Variants in TEAD3 observed in about 807,000 individuals in gnomAD.
TEAD3 encodes the protein TEA domain transcription factor 3.
In TEAD3, 15 loss-of-function variants were observed where a neutral mutation model predicts 55.6. The observed-to-expected ratio is 0.27, with a 90% CI of 0.18 to 0.42. TEAD3 has a LOEUF of 0.42. Ranked by LOEUF, TEAD3 falls within the 10% of genes least tolerant of loss-of-function variation. The pLI is 1.00. For synonymous variants in TEAD3, 210 were observed against 232.2 expected, an observed-to-expected ratio of 0.90 and a Z score of 0.87; for missense variants, 407 against 576.8, an observed-to-expected ratio of 0.71 and a Z score of 3.01.
rs1431218890 is a variant in TEAD3 at position 35,491,075 on chromosome 6, TG to T, written c.-49-4365del. Among the ~76,000 whole-genome samples the T allele has an allele frequency of 6.6e-6, 1 of 150,900 alleles. No individual in the cohort carries two copies. The highest frequency in any genetic ancestry group is 1.5e-5 in the Non-Finnish European group (1 of 67,702). Reference sequence around the variant, plus strand: ...GGGAGAGTCTGGGGCAAAGAGAAGCTGAGGTGAACCCAGAGAGAAAACAGAC... The same window carrying T: ...GGGAGAGTCTGGGGCAAAGAGAAGCTAGGTGAACCCAGAGAGAAAACAGAC... On this transcript the variant is annotated intron_variant, in intron 1 of 12. Transcript: ENST00000639578. This position sits in a 1 kb window ranked among gnomAD's most constrained non-coding sequence, Gnocchi z 4.4.
In TEAD3 at chr6:35,475,878, G is replaced by A; in HGVS notation, c.900+41C>T. 1 of 1,508,140 alleles carries A rather than the reference G, an allele frequency of 6.6e-7. No homozygotes were observed. Among genetic ancestry groups the A allele is most frequent in the South Asian group, 1.3e-5 (1 of 75,526 alleles). The allele number at this position is 1,508,140 out of a possible 1,614,324, so 93.4% of individuals were successfully genotyped here. ...GGCCTGGATGTTGCACCTCTGGGGT[G>A]GGGAAGGGGGCTTGGAGCAGAGAAG... On this transcript the variant is annotated intron_variant, in intron 10 of 12. Transcript: ENST00000639578. This position sits in a 1 kb window ranked among gnomAD's most constrained non-coding sequence, Gnocchi z 5.4.
chr6:35,492,437 G>C, intron 1 of TEAD3, among the ~76,000 whole-genome samples: 1 of 152,036 alleles, frequency 6.6e-6, no homozygotes, highest in Non-Finnish European at 1.5e-5. Context: ...GGATGTATCT[G>C]TCTCCCCCAC....
intron 4 of TEAD3, chr6:35,479,956 C>G: frequency 9.6e-7 from 1 of 1,041,456 alleles, no homozygotes; most frequent in Non-Finnish European, 1.3e-6. Context: ...CCCCTCACAG[C>G]TTCTCAGCCC....
Position 35,475,384 on chromosome 6 carries a change from G to A in TEAD3, c.1146C>T (p.Pro382=), listed in dbSNP as rs533332695. The A allele has an allele frequency of 4.6e-4, 745 of 1,614,054 alleles. 4 individuals carry two copies. The South Asian group carries it at 7.6e-3, about 16-fold the overall frequency. Residue 382 remains proline (P), a synonymous_variant, in exon 12 of 13, where the codon CCC becomes CCT. Coordinates refer to ENST00000639578, the Ensembl canonical transcript of TEAD3. The surrounding 1 kb of genome is among the most constrained non-coding windows in gnomAD (Gnocchi z 5.4). ...GCACGCTGTTCATCATGTACTTCTC[G>A]GGCAGGTGCTTCAGCTTGTGGATGA...
intron 1 of TEAD3, among the ~76,000 whole-genome samples, chr6:35,493,431 C>T (rs1358253432): frequency 1.3e-5 from 2 of 152,140 alleles, no homozygotes; most frequent in Non-Finnish European, 2.9e-5. Context: ...GTCCCAAACA[C>T]GCTCAGATAG....
intron 3 of TEAD3, among the ~76,000 whole-genome samples, chr6:35,480,824 G>A (rs1413596693): frequency 6.6e-6 from 1 of 152,142 alleles, no homozygotes; most frequent in African/African-American, 2.4e-5. Context: ...GCCTAACCCT[G>A]TCCTCCCCGC....
At chr6:35,477,249 C>T in intron 8 of TEAD3, 62 bp downstream of exon 8, 1 of 1,573,298 alleles carries the variant, frequency 6.4e-7, no homozygotes, top group Non-Finnish European at 8.7e-7. Context: ...CACAGTTGGA[C>T]CCCAGCTCTC....
Position 35,476,301 on chromosome 6 carries a change from C to T in TEAD3, c.726+1G>A. On this transcript the variant is annotated splice_donor_variant, in intron 9 of 12. Transcript: ENST00000639578. LOFTEE classifies it high-confidence loss of function. ...CTCACCCTCACCCCCAAACACGTTACCGTGTCAGGGTCTCGCTGCACCTCC... is the reference window on the plus strand; with the variant it reads ...CTCACCCTCACCCCCAAACACGTTATCGTGTCAGGGTCTCGCTGCACCTCC... 6.2e-7 allele frequency: 1 copy of T among 1,611,858 alleles called. No homozygotes were observed. The highest frequency in any genetic ancestry group is 8.5e-7 in the Non-Finnish European group (1 of 1,179,662).
In TEAD3 at chr6:35,496,244, C is replaced by T. The variant is rs1768647987; in HGVS notation, c.-50+654G>A. On this transcript the variant is annotated intron_variant, in intron 1 of 12. Coordinates refer to ENST00000639578, the Ensembl canonical transcript of TEAD3. The surrounding 1 kb of genome is among the most constrained non-coding windows in gnomAD (Gnocchi z 4.8). ...AATCCAGACCCCTCCGAGCCAAGCTCACAGCGCTCAGGGCTGGAACTCTGA... is the reference window on the plus strand; with the variant it reads ...AATCCAGACCCCTCCGAGCCAAGCTTACAGCGCTCAGGGCTGGAACTCTGA... Among the ~76,000 whole-genome samples the T allele has an allele frequency of 1.3e-5, 2 of 152,216 alleles. No individual in the cohort carries two copies. Among genetic ancestry groups the T allele is most frequent in the African/African-American group, 4.8e-5 (2 of 41,462 alleles).
chr6:35,475,208 C>T lies in TEAD3; in HGVS notation c.1195-51G>A, dbSNP rs891108815. 48 of 1,570,490 alleles carry T rather than the reference C, an allele frequency of 3.1e-5. No homozygotes were observed. The highest frequency in any genetic ancestry group is 7.0e-5 in the East Asian group (3 of 42,620). On this transcript the variant is annotated intron_variant, in intron 12 of 12. Transcript: ENST00000639578. The surrounding 1 kb of genome is among the most constrained non-coding windows in gnomAD (Gnocchi z 5.4). Reference sequence around the variant, plus strand: ...CAGGAGGTCAGGGAGAAAAGGGCCACGGGGCAGGGGGCTGAACAGACCATT... The same window carrying T: ...CAGGAGGTCAGGGAGAAAAGGGCCATGGGGCAGGGGGCTGAACAGACCATT...
chr6:35,477,255 C>G, intron 8 of TEAD3, 56 bp downstream of exon 8: 1 of 1,586,272 alleles, frequency 6.3e-7, no homozygotes, highest in Non-Finnish European at 8.6e-7. Context: ...TGGACCCCAG[C>G]TCTCCTGAGT....
chr6:35,486,818 C>G lies in TEAD3; in HGVS notation c.-49-107G>C. On this transcript the variant is annotated intron_variant, in intron 1 of 12. Coordinates refer to ENST00000639578, the Ensembl canonical transcript of TEAD3. This position sits in a 1 kb window ranked among gnomAD's most constrained non-coding sequence, Gnocchi z 7.3. ...AGCTCCGCCCCCAGCCCCAAGCCCACCCTAGGAGCAGGTGCTCCAGGTGGA... is the reference window on the plus strand; with the variant it reads ...AGCTCCGCCCCCAGCCCCAAGCCCAGCCTAGGAGCAGGTGCTCCAGGTGGA... The G allele has an allele frequency of 1.3e-6, 1 of 748,904 alleles. No individual in the cohort carries two copies. Among genetic ancestry groups the G allele is most frequent in the Non-Finnish European group, 2.1e-6 (1 of 471,916 alleles). 46.4% of individuals were successfully genotyped at this position (748,904 alleles called of 1,614,324 possible).
At chr6:35,489,785 G>A (rs941390296) in intron 1 of TEAD3, among the ~76,000 whole-genome samples, 2 of 152,220 alleles carry the variant, frequency 1.3e-5, no homozygotes, top group South Asian at 2.1e-4. Context: ...GGTGGCTCAC[G>A]ACTATAATCC....
chr6:35,489,756 A>G (rs1406908899), intron 1 of TEAD3, among the ~76,000 whole-genome samples: 1 of 152,114 alleles, frequency 6.6e-6, no homozygotes, highest in Non-Finnish European at 1.5e-5. Flanking sequence ...AAATAAATAA[A>G]TAAGGAAATG....
At chr6:35,476,133 C>G in intron 9 of TEAD3, 41 bp from the exon 10 acceptor site, 1 of 1,541,634 alleles carries the variant, frequency 6.5e-7, no homozygotes, top group Non-Finnish European at 8.8e-7. Context: ...AGTACTCAGG[C>G]TTGCAGGCCC....
At position 35,486,614 on chromosome 6, in the gene TEAD3, C is replaced by T. The variant is rs1016888817; in HGVS notation, c.49G>A (p.Glu17Lys). The change falls in exon 2 of 13, where the codon GAG (glutamate) becomes AAG (lysine). Residue 17 changes from glutamate to lysine, a missense_variant. Coordinates refer to ENST00000639578, the Ensembl canonical transcript of TEAD3. This position sits in a 1 kb window ranked among gnomAD's most constrained non-coding sequence, Gnocchi z 7.3. ...TTGTCCAGGCCCTCGGGCCCATCCT[C>T]CCGGGCCTCCCCGGGGCTGCTGCTG... 2.5e-6 allele frequency: 4 copies of T among 1,613,180 alleles called. No homozygotes were observed.
At chr6:35,493,123 G>T (rs1169924808) in intron 1 of TEAD3, among the ~76,000 whole-genome samples, 2 of 152,076 alleles carry the variant, frequency 1.3e-5, no homozygotes, top group African/African-American at 2.4e-5. Flanking sequence ...ACACAGTTGC[G>T]TCACAGCCAC....
Position 35,484,619 on chromosome 6 carries a change from T to C in TEAD3, c.208A>G (p.Asn70Asp). The change falls in exon 3 of 13, where the codon AAT (asparagine) becomes GAT (aspartate). Residue 70 changes from asparagine (N) to aspartate (D), a missense_variant. Transcript: ENST00000639578. The surrounding 1 kb of genome is among the most constrained non-coding windows in gnomAD (Gnocchi z 5.8). The stretch of plus-strand genomic sequence containing the variant: ...TTAATATAGCGTGCAATCAACTCAT[T>C]TCGGCCTAGATTGGGGTGAGAGAGA... The C allele has an allele frequency of 6.3e-7, 1 of 1,598,204 alleles. No individual in the cohort carries two copies. The highest frequency in any genetic ancestry group is 8.5e-7 in the Non-Finnish European group (1 of 1,172,282).
intron 1 of TEAD3, among the ~76,000 whole-genome samples, chr6:35,487,548 CAA>C (rs869103103): frequency 0.046 from 2,500 of 54,382 alleles, 31 homozygotes; most frequent in Middle Eastern, 0.08. Flanking sequence ...CGAGACTCCT[CAA>C]AAAAAAAAAA....
Sources: gnomAD v4.1 joint callset for allele counts (sites outside exome capture counted in the v4.1 genomes callset) on GRCh38, gnomAD v4.1.1 for gene constraint, Gnocchi (gnomAD v3.1) non-coding constraint, MANE v1.5 for transcripts, NCBI Gene and HGNC (gene_info 2026-07-23, HGNC 2026-07-21) for gene names.